Variants in TMEM181 observed in about 807,000 individuals in gnomAD.
TMEM181 encodes the protein transmembrane protein 181.
A neutral mutation model predicts 71.9 loss-of-function variants in TMEM181; 39 were observed. The ratio of observed to expected loss-of-function variants is 0.54; its 90% CI spans 0.42 to 0.71. The LOEUF (loss-of-function observed/expected upper bound fraction) is 0.71. Among genes scored for constraint, TMEM181 ranks in the 30% least tolerant of loss-of-function variants. The probability of loss-of-function intolerance (pLI) is 0.00; values close to 1 mark genes in which losing one functional copy is unlikely to be tolerated. For missense variants in TMEM181, 595 were observed against 583.0 expected (o/e 1.02, Z -0.21); for synonymous variants, 245 against 228.8 (o/e 1.07, Z -0.64).
intron 1 of TMEM181, among the ~76,000 whole-genome samples, chr6:158,569,324 C>T (rs983816649): frequency 1.3e-5 from 2 of 152,210 alleles, no homozygotes; most frequent in Non-Finnish European, 2.9e-5. Context: ...ATGAAGACAG[C>T]GGAAGCCAGG....
intron 10 of TMEM181, among the ~76,000 whole-genome samples, chr6:158,619,436 G>A (rs911263151): frequency 2.0e-5 from 3 of 152,126 alleles, no homozygotes; most frequent in Non-Finnish European, 2.9e-5. Flanking sequence ...CGATGGGTTC[G>A]AACATCCTCC....
chr6:158,588,187 C>G (rs964365027), intron 5 of TMEM181, among the ~76,000 whole-genome samples: 1 of 152,218 alleles, frequency 6.6e-6, no homozygotes, highest in African/African-American at 2.4e-5. Flanking sequence ...GGGAGGTGGG[C>G]GGGTGGCCAG....
chr6:158,553,269 GA>G (rs1781773331), intron 1 of TMEM181, among the ~76,000 whole-genome samples: 1 of 151,298 alleles, frequency 6.6e-6, no homozygotes. Flanking sequence ...AAAACTTTAA[GA>G]TTTTAAATTA....
chr6:158,626,975 T>C (rs1786336438), intron 13 of TMEM181, among the ~76,000 whole-genome samples: 2 of 106,552 alleles, frequency 1.9e-5, no homozygotes, highest in South Asian at 6.7e-4. Context: ...CTCTCACACA[T>C]CATCACTCAC....
At chr6:158,540,631 CTT>C (rs1781305286) in intron 1 of TMEM181, among the ~76,000 whole-genome samples, 1 of 152,130 alleles carries the variant, frequency 6.6e-6, no homozygotes, top group Non-Finnish European at 1.5e-5. Context: ...AAATACAAAA[CTT>C]AGCTGGGCGT....
At chr6:158,629,406 C>T (rs921456326) in intron 14 of TMEM181, among the ~76,000 whole-genome samples, 3 of 152,108 alleles carry the variant, frequency 2.0e-5, no homozygotes, top group African/African-American at 7.2e-5. Flanking sequence ...GGCCTTCCTG[C>T]CCTTTTCATG....
At chr6:158,571,981 T>G (rs1468916828) in intron 1 of TMEM181, among the ~76,000 whole-genome samples, 1 of 152,194 alleles carries the variant, frequency 6.6e-6, no homozygotes, top group Admixed American at 6.5e-5. Context: ...CTCTCTTGTC[T>G]CATGTTTGTG....
intron 13 of TMEM181, among the ~76,000 whole-genome samples, chr6:158,627,442 C>T (rs1262905380): frequency 6.6e-6 from 1 of 152,222 alleles, no homozygotes; most frequent in Non-Finnish European, 1.5e-5. Context: ...TACATTCCCC[C>T]TGCGTGCCAT....
intron 10 of TMEM181, among the ~76,000 whole-genome samples, chr6:158,616,745 C>T (rs190365154): frequency 3.4e-3 from 521 of 152,146 alleles, no homozygotes; most frequent in African/African-American, 0.012. Flanking sequence ...GAGATAATCA[C>T]GTGGTTTTTG....
intron 1 of TMEM181, among the ~76,000 whole-genome samples, chr6:158,541,424 C>A (rs1331594968): frequency 8.2e-6 from 1 of 121,814 alleles, no homozygotes; most frequent in Non-Finnish European, 1.7e-5. Flanking sequence ...TCTCAAAAAA[C>A]AAAAAAACAA....
At chr6:158,542,850 G>A (rs553070773) in intron 1 of TMEM181, among the ~76,000 whole-genome samples, 52 of 146,166 alleles carry the variant, frequency 3.6e-4, no homozygotes, top group Non-Finnish European at 7.1e-4. Context: ...GAATCTGCCT[G>A]CCTCGGCCTC....
At chr6:158,611,371 G>T (rs1045042795) in intron 10 of TMEM181, 1 of 531,246 alleles carries the variant, frequency 1.9e-6, no homozygotes, top group Non-Finnish European at 3.8e-6. Flanking sequence ...TTTCGGCATT[G>T]ATTTCCCTGG....
intron 10 of TMEM181, chr6:158,611,131 C>CT (rs1312677245): frequency 1.9e-6 from 1 of 525,140 alleles, no homozygotes; most frequent in African/African-American, 1.9e-5. Context: ...TGGGTTTCTC[C>CT]TGAGGGTCTG....
chr6:158,593,180 C>T (rs754360010), intron 6 of TMEM181, among the ~76,000 whole-genome samples: 13 of 152,014 alleles, frequency 8.6e-5, no homozygotes, highest in Non-Finnish European at 1.3e-4. Context: ...AAGTTGGGAG[C>T]GATCTGTATT....
chr6:158,628,309 C>A, intron 13 of TMEM181, 99 bp from the exon 14 acceptor site: 1 of 1,115,770 alleles, frequency 9.0e-7, no homozygotes, highest in Non-Finnish European at 1.3e-6. Flanking sequence ...TCATAGTGTA[C>A]AGACGGAAAG....
At chr6:158,546,953 C>A (rs1471476011) in intron 1 of TMEM181, among the ~76,000 whole-genome samples, 1 of 151,500 alleles carries the variant, frequency 6.6e-6, no homozygotes, top group Admixed American at 6.6e-5. Context: ...CAGCGAGACT[C>A]CATCTCAAAA....
At chr6:158,607,403 G>C in intron 8 of TMEM181, 60 bp downstream of exon 8, 1 of 1,513,102 alleles carries the variant, frequency 6.6e-7, no homozygotes, top group Non-Finnish European at 9.2e-7. Flanking sequence ...CTGGAGGCCA[G>C]GTGCAGGGTT....
intron 1 of TMEM181, among the ~76,000 whole-genome samples, chr6:158,553,012 C>T (rs1040506031): frequency 6.6e-6 from 1 of 151,928 alleles, no homozygotes; most frequent in East Asian, 1.9e-4. Flanking sequence ...CATGGTGAGA[C>T]CCCAGTCCTG....
At chr6:158,630,593 T>C (rs1786603991) in intron 15 of TMEM181, among the ~76,000 whole-genome samples, 1 of 152,178 alleles carries the variant, frequency 6.6e-6, no homozygotes, top group African/African-American at 2.4e-5. Flanking sequence ...GCTGCAATGT[T>C]CGGTGCCTTA....
Sources: allele counts gnomAD v4.1 joint callset (sites outside exome capture counted in the v4.1 genomes callset), GRCh38; gene constraint gnomAD v4.1.1; transcripts MANE v1.5; gene names NCBI Gene and HGNC (gene_info 2026-07-23, HGNC 2026-07-21).